Variants in ATP6V1C2 observed in about 807,000 individuals in gnomAD.
The protein encoded by ATP6V1C2 is ATPase H+ transporting V1 subunit C2, also known as V-type proton ATPase subunit C 2.
A neutral mutation model predicts 56.8 loss-of-function variants in ATP6V1C2; 45 were observed. The ratio of observed to expected loss-of-function variants is 0.79; its 90% CI spans 0.62 to 1.02. The LOEUF (loss-of-function observed/expected upper bound fraction) is 1.02. Ranked by LOEUF, ATP6V1C2 falls within the 50% of genes least tolerant of loss-of-function variation. The pLI, the probability that ATP6V1C2 is intolerant of heterozygous loss-of-function variation, is 0.00. For missense variants in ATP6V1C2, 463 were observed against 519.7 expected (o/e 0.89, Z 1.06); for synonymous variants, 220 against 201.3 (o/e 1.09, Z -0.79).
At chr2:10,756,667 G>A (rs1316738938) in intron 4 of ATP6V1C2, among the ~76,000 whole-genome samples, 8 of 152,136 alleles carry the variant, frequency 5.3e-5, no homozygotes, top group Non-Finnish European at 8.8e-5. Flanking sequence ...GCAGTGAGCC[G>A]AGATCGCACA....
chr2:10,752,465 G>C (rs1194641856), intron 3 of ATP6V1C2, among the ~76,000 whole-genome samples: 2 of 152,172 alleles, frequency 1.3e-5, no homozygotes, highest in African/African-American at 4.8e-5. Flanking sequence ...TCCCTCCTGA[G>C]GGCGGGGAGA....
chr2:10,735,018 G>A, intron 3 of ATP6V1C2, among the ~76,000 whole-genome samples: 1 of 152,122 alleles, frequency 6.6e-6, no homozygotes, highest in Non-Finnish European at 1.5e-5. Context: ...CCGAGTGGTT[G>A]AGGCTGCAGT....
intron 5 of ATP6V1C2, among the ~76,000 whole-genome samples, chr2:10,765,121 T>G (rs1664148123): frequency 6.6e-6 from 1 of 152,186 alleles, no homozygotes; most frequent in Non-Finnish European, 1.5e-5. Context: ...CCTAACCTCT[T>G]CAGACACTGC....
At position 10,778,006 on chromosome 2, in the gene ATP6V1C2, T is replaced by C. The variant is rs60894264; in HGVS notation, c.963+284T>C. 8.8e-3 allele frequency among the ~76,000 whole-genome samples: 1,335 copies of C among 151,660 alleles called. 27 individuals are homozygous for C. Among genetic ancestry groups the C allele is most frequent in the African/African-American group, 0.031 (1,275 of 41,472 alleles). Reference sequence around the variant, plus strand: ...GGCAGGGCCCTGGCTGGGGTGGTGGTTGGCAGCTCAGCTCTCCTCCCTTGG... The same window carrying C: ...GGCAGGGCCCTGGCTGGGGTGGTGGCTGGCAGCTCAGCTCTCCTCCCTTGG... On this transcript the variant is annotated intron_variant, in intron 11 of 13. Coordinates refer to ENST00000272238, the MANE Select transcript of ATP6V1C2 (RefSeq NM_001039362.2).
chr2:10,722,540 T>A (rs1216659336), intron 1 of ATP6V1C2, among the ~76,000 whole-genome samples: 1 of 152,118 alleles, frequency 6.6e-6, no homozygotes, highest in African/African-American at 2.4e-5. Flanking sequence ...TTATGATGCC[T>A]GATAGGGGTT....
At chr2:10,733,386 C>T (rs1662073347) in intron 3 of ATP6V1C2, among the ~76,000 whole-genome samples, 1 of 152,152 alleles carries the variant, frequency 6.6e-6, no homozygotes, top group Admixed American at 6.6e-5. Context: ...TAGCATAAAC[C>T]TGTCAGCACT....
chr2:10,724,300 C>T (rs1338743357), intron 2 of ATP6V1C2, among the ~76,000 whole-genome samples: 2 of 152,150 alleles, frequency 1.3e-5, no homozygotes, highest in Non-Finnish European at 2.9e-5. Flanking sequence ...GTAATGCTAC[C>T]CCATTTGCTA....
At chr2:10,723,019 CAG>C (rs1249479892) in intron 2 of ATP6V1C2, 41 bp downstream of exon 2, 1 of 1,608,448 alleles carries the variant, frequency 6.2e-7, no homozygotes, top group African/African-American at 1.3e-5. Context: ...ATGGATTGGT[CAG>C]GGGGAGACAG....
chr2:10,725,655 C>T (rs946165939), intron 2 of ATP6V1C2, among the ~76,000 whole-genome samples: 11 of 151,170 alleles, frequency 7.3e-5, no homozygotes, highest in African/African-American at 1.7e-4. Flanking sequence ...CCACCATGCC[C>T]GGCTAATTTT....
intron 7 of ATP6V1C2, among the ~76,000 whole-genome samples, 194 bp downstream of exon 7, chr2:10,772,131 C>T (rs1043183585): frequency 6.6e-6 from 1 of 152,106 alleles, no homozygotes; most frequent in Non-Finnish European, 1.5e-5. Context: ...GTTGTGGCCA[C>T]GATAGAAGCA....
chr2:10,759,511 C>A (rs1288739742), intron 4 of ATP6V1C2, among the ~76,000 whole-genome samples: 1 of 152,116 alleles, frequency 6.6e-6, no homozygotes, highest in African/African-American at 2.4e-5. Context: ...CTGTGCACAG[C>A]ATATTTTGAT....
intron 11 of ATP6V1C2, 60 bp from the exon 12 acceptor site, chr2:10,778,512 C>T (rs1665143245): frequency 6.5e-7 from 1 of 1,530,480 alleles, no homozygotes; most frequent in South Asian, 1.1e-5. Context: ...CAAGTCCTTT[C>T]TTGGCTCTGT....
intron 2 of ATP6V1C2, among the ~76,000 whole-genome samples, chr2:10,724,954 A>T (rs1048679774): frequency 4.0e-5 from 6 of 151,884 alleles, no homozygotes; most frequent in Admixed American, 6.6e-5. Flanking sequence ...CAGCCTCCTA[A>T]TTATTTTTCT....
intron 3 of ATP6V1C2, among the ~76,000 whole-genome samples, chr2:10,752,824 C>T (rs759037470): frequency 6.6e-6 from 1 of 152,014 alleles, no homozygotes; most frequent in South Asian, 2.1e-4. Context: ...GGCAAAACCC[C>T]GTCTCTACTA....
chr2:10,744,728 G>A (rs1425045042), intron 3 of ATP6V1C2, among the ~76,000 whole-genome samples: 1 of 147,012 alleles, frequency 6.8e-6, no homozygotes, highest in Non-Finnish European at 1.5e-5. Context: ...GAGTGCAGTG[G>A]CGTGATCTCG....
chr2:10,722,429 C>T (rs1261579245), intron 1 of ATP6V1C2, among the ~76,000 whole-genome samples: 3 of 152,180 alleles, frequency 2.0e-5, no homozygotes, highest in Non-Finnish European at 4.4e-5. Flanking sequence ...CCTCATCCCA[C>T]GCCTTCCTCC....
chr2:10,743,722 C>A (rs778682538), intron 3 of ATP6V1C2, among the ~76,000 whole-genome samples: 1 of 151,614 alleles, frequency 6.6e-6, no homozygotes, highest in African/African-American at 2.4e-5. Context: ...AGGTGGCTCA[C>A]GCCTGTAATC....
chr2:10,753,988 A>C lies in ATP6V1C2; in HGVS notation c.205A>C (p.Arg69=). 2 of 1,605,186 alleles carry C rather than the reference A, an allele frequency of 1.2e-6. No homozygotes were observed. Among genetic ancestry groups the C allele is most frequent in the Non-Finnish European group, 1.7e-6 (2 of 1,174,936 alleles). ...TTTCTTCTCTCTCCAAAGCCTCATA[A>C]GGAGAATGGCTCAGAGCGTGGTGGA... ...KLDTFAESLI[R]RMAQSVVEVM... Residue 69 remains arginine (R), a synonymous_variant, in exon 4 of 14, where the codon AGG becomes CGG. Transcript: ENST00000272238.
chr2:10,722,866 T>C lies in ATP6V1C2; in HGVS notation c.17T>C (p.Leu6Ser). MSEFW[L>S]ISAPGDKENL... ...ACTGGAAGCATGTCGGAGTTTTGGT[T>C]AATTTCTGCCCCTGGCGATAAGGAA... The change falls in exon 2 of 14, where the codon TTA (leucine) becomes TCA (serine). Residue 6 changes from leucine to serine, a missense_variant. Coordinates refer to ENST00000272238, the MANE Select transcript of ATP6V1C2 (RefSeq NM_001039362.2). 1 of 1,614,132 alleles carries C rather than the reference T, an allele frequency of 6.2e-7. No homozygotes were observed. The highest frequency in any genetic ancestry group is 8.5e-7 in the Non-Finnish European group (1 of 1,180,020).
Sources: allele counts gnomAD v4.1 joint callset (sites outside exome capture counted in the v4.1 genomes callset), GRCh38; gene constraint gnomAD v4.1.1; transcripts MANE v1.5; gene names NCBI Gene and HGNC (gene_info 2026-07-23, HGNC 2026-07-21).